Variants in MR1 observed in about 807,000 individuals in gnomAD.
MR1 encodes the protein major histocompatibility complex, class I-related.
MR1 carries 44 observed loss-of-function variants against 37.8 expected under a neutral mutation model. That is an observed-to-expected ratio of 1.16 (90% CI 0.91 to 1.50). The LOEUF is 1.50. Among genes scored for constraint, MR1 ranks in the 40% most tolerant of loss-of-function variants. The probability of loss-of-function intolerance (pLI) is 0.00; values close to 1 mark genes in which losing one functional copy is unlikely to be tolerated. For synonymous variants in MR1, 153 were observed against 155.8 expected (o/e 0.98, Z 0.13); for missense variants, 386 against 419.1 (o/e 0.92, Z 0.69).
chr1:181,045,596 T>C (rs1287726839), intron 1 of MR1, among the ~76,000 whole-genome samples: 1 of 151,332 alleles, frequency 6.6e-6, no homozygotes, highest in Non-Finnish European at 1.5e-5. Context: ...CCCTAAGACA[T>C]CACCTTCTCT....
At position 181,052,244 on chromosome 1, in the gene MR1, T is replaced by G; in HGVS notation, c.614T>G (p.Leu205Arg). ...KDTLQRTEPP[L>R]VRVNRKETFP... The stretch of plus-strand genomic sequence containing the variant: ...AGCTTCTTCTTCCTAGAGCCCCCAC[T>G]GGTCAGAGTAAATCGCAAAGAAACT... The change falls in exon 4 of 6, where the codon CTG (leucine) becomes CGG (arginine). Residue 205 changes from leucine (L) to arginine (R), a missense_variant. Physicochemically the swap from Leu to Arg is moderately radical, Grantham distance 102. Coordinates refer to ENST00000367580, the MANE Select transcript of MR1 (RefSeq NM_001385161.1). 1 of 1,613,750 alleles carries G rather than the reference T, an allele frequency of 6.2e-7. No individual in the cohort carries two copies. The highest frequency in any genetic ancestry group is 1.1e-5 in the South Asian group (1 of 91,078).
At chr1:181,044,247 G>A (rs530496065) in intron 1 of MR1, among the ~76,000 whole-genome samples, 292 of 152,318 alleles carry the variant, frequency 1.9e-3, no homozygotes, top group Admixed American at 3.2e-3. Flanking sequence ...ACAGGCGTGA[G>A]CCACTGCGCC....
intron 3 of MR1, among the ~76,000 whole-genome samples, chr1:181,052,009 G>C (rs968965470): frequency 6.6e-6 from 1 of 152,200 alleles, no homozygotes; most frequent in Admixed American, 6.5e-5. Context: ...TCCCCCCTTA[G>C]AGGATGGAGC....
chr1:181,046,055 G>A (rs1657842518), intron 1 of MR1, among the ~76,000 whole-genome samples: 1 of 152,236 alleles, frequency 6.6e-6, no homozygotes, highest in South Asian at 2.1e-4. Flanking sequence ...CCGGGCCTTA[G>A]CTGCCTTCCT....
At chr1:181,039,106 C>G (rs1367630876) in intron 1 of MR1, among the ~76,000 whole-genome samples, 3 of 152,224 alleles carry the variant, frequency 2.0e-5, no homozygotes, top group Non-Finnish European at 4.4e-5. Context: ...CACCCGGCCT[C>G]TCTGCACCTA....
rs926603960 is a variant in MR1, at chr1:181,061,441, A to T, written c.*6176A>T. 9 of 152,344 alleles carry T rather than the reference A, an allele frequency of 5.9e-5. No individual in the cohort carries two copies. The highest frequency in any genetic ancestry group is 2.1e-4 in the South Asian group (1 of 4,832). The allele number at this position is 152,344 out of a possible 1,614,324, so 9.4% of individuals were successfully genotyped here. On this transcript the variant is annotated 3_prime_UTR_variant, in exon 6 of 6. Coordinates refer to ENST00000367580, the MANE Select transcript of MR1 (RefSeq NM_001385161.1). Reference sequence around the variant, plus strand: ...AAGCCTACATGGTGGCTCTGGTCATATCATTAGAAAATAGACAGAAATGGG... The same window carrying T: ...AAGCCTACATGGTGGCTCTGGTCATTTCATTAGAAAATAGACAGAAATGGG...
intron 1 of MR1, among the ~76,000 whole-genome samples, chr1:181,047,383 G>A (rs983841600): frequency 6.6e-6 from 1 of 151,986 alleles, no homozygotes; most frequent in African/African-American, 2.4e-5. Context: ...GGCAGATCAT[G>A]AGGTCAGGAA....
intron 1 of MR1, among the ~76,000 whole-genome samples, chr1:181,042,263 C>T (rs1657595696): frequency 6.9e-6 from 1 of 145,600 alleles, no homozygotes; most frequent in Admixed American, 6.9e-5. Context: ...AGTGCAGTGG[C>T]GCGATCTCGG....
In MR1 at chr1:181,052,314, C is replaced by A. The variant is rs761551215; in HGVS notation, c.684C>A (p.Tyr228Ter). 19 of 1,613,998 alleles carry A rather than the reference C, an allele frequency of 1.2e-5. No individual in the cohort carries two copies. The highest frequency in any genetic ancestry group is 1.7e-5 in the Admixed American group (1 of 60,004). The change falls in exon 4 of 6, where the codon TAC becomes TAA. Residue 228 changes from tyrosine to a stop codon, truncating the protein, a stop_gained. Transcript: ENST00000367580. LOFTEE classifies it high-confidence loss of function. ...TCTTCTGCAAAGCTCATGGCTTTTA[C>A]CCCCCAGAAATTTACATGACATGGA... ...TALFCKAHGF[Y>*]PPEIYMTWMK...
At chr1:181,035,234 G>A (rs1657212462) in intron 1 of MR1, among the ~76,000 whole-genome samples, 1 of 151,960 alleles carries the variant, frequency 6.6e-6, no homozygotes, top group African/African-American at 2.4e-5. Context: ...CTACTCGGGA[G>A]ACTGAGGCAG....
At chr1:181,043,114 T>G (rs564994574) in intron 1 of MR1, among the ~76,000 whole-genome samples, 14 of 152,330 alleles carry the variant, frequency 9.2e-5, no homozygotes, top group African/African-American at 3.1e-4. Flanking sequence ...GGCTCTTGTT[T>G]GCATAAGAAC....
In MR1 at chr1:181,060,236, A is replaced by T. The variant is rs1658838415; in HGVS notation, c.*4971A>T. 1 of 152,024 alleles carries T rather than the reference A, an allele frequency of 6.6e-6. No individual in the cohort carries two copies. Among genetic ancestry groups the T allele is most frequent in the Non-Finnish European group, 1.5e-5 (1 of 68,010 alleles). 9.4% of individuals were successfully genotyped at this position (152,024 alleles called of 1,614,324 possible). ...TGTGTCCAAATTTCCTTTTTTCATGAGGCCATCAGTCATACTGGATTAGGG... is the reference window on the plus strand; with the variant it reads ...TGTGTCCAAATTTCCTTTTTTCATGTGGCCATCAGTCATACTGGATTAGGG... On this transcript the variant is annotated 3_prime_UTR_variant, in exon 6 of 6. Coordinates refer to ENST00000367580, the MANE Select transcript of MR1 (RefSeq NM_001385161.1).
intron 1 of MR1, among the ~76,000 whole-genome samples, chr1:181,041,197 T>C (rs1571381188): frequency 6.6e-6 from 1 of 152,366 alleles, no homozygotes; most frequent in East Asian, 1.9e-4. Context: ...CTTCAGATAA[T>C]GCAAATTCTT....
At position 181,055,231 on chromosome 1, in the gene MR1, A is replaced by G; in HGVS notation, c.992A>G (p.Asn331Ser). 1 of 1,613,764 alleles carries G rather than the reference A, an allele frequency of 6.2e-7. No homozygotes were observed. The highest frequency in any genetic ancestry group is 1.1e-5 in the South Asian group (1 of 91,072). Reference protein sequence around the residue: ...LVWRRRPREQNGAIYLPTPDR With the variant: ...LVWRRRPREQSGAIYLPTPDR ...AAAACCCCTTTCCTTTCAGAGCAAAATGGAGCCATCTACCTTCCAACACCA... is the reference window on the plus strand; with the variant it reads ...AAAACCCCTTTCCTTTCAGAGCAAAGTGGAGCCATCTACCTTCCAACACCA... The change falls in exon 6 of 6, where the codon AAT becomes AGT. Residue 331 changes from asparagine (N) to serine (S), a missense_variant. Asn to Ser is a conservative substitution (Grantham distance 46, BLOSUM62 1). Transcript: ENST00000367580.
chr1:181,033,593 G>C (rs1455889599), upstream of MR1: 2 of 157,762 alleles, frequency 1.3e-5, no homozygotes, highest in African/African-American at 2.4e-5. Flanking sequence ...TAGGGAGCCA[G>C]AGCAGGGAGT....
chr1:181,047,606 TAAATA>T (rs1657971362), intron 1 of MR1, among the ~76,000 whole-genome samples: 1 of 137,248 alleles, frequency 7.3e-6, no homozygotes, highest in South Asian at 2.3e-4. Flanking sequence ...CTCAAAAAAA[TAAATA>T]AATAGGCTGG....
intron 1 of MR1, among the ~76,000 whole-genome samples, chr1:181,034,862 G>T (rs958027293): frequency 1.3e-5 from 2 of 152,152 alleles, no homozygotes; most frequent in African/African-American, 2.4e-5. Context: ...AAGGGCGAGG[G>T]GGGTGGATGA....
Position 181,049,943 on chromosome 1 carries a change from G to C in MR1, c.329-68G>C, listed in dbSNP as rs1271217179. 42 of 1,544,586 alleles carry C rather than the reference G, an allele frequency of 2.7e-5. No individual in the cohort carries two copies. The South Asian group carries it at 2.9e-4, about 11-fold the overall frequency. Reference sequence around the variant, plus strand: ...AAAGGATGCTTCCAGCCATGCCCCTGCTCCCAGCACTTGAGAGCCCACCTC... The same window carrying C: ...AAAGGATGCTTCCAGCCATGCCCCTCCTCCCAGCACTTGAGAGCCCACCTC... On this transcript the variant is annotated intron_variant, in intron 2 of 5. Coordinates refer to ENST00000367580, the MANE Select transcript of MR1 (RefSeq NM_001385161.1).
chr1:181,059,609 G>A lies in MR1; in HGVS notation c.*4344G>A, dbSNP rs760861368. ...CAGGAACTCTCCATGTAATCTCTCTGTGTGGGTTGGGCTTCCTCACAACAT... is the reference window on the plus strand; with the variant it reads ...CAGGAACTCTCCATGTAATCTCTCTATGTGGGTTGGGCTTCCTCACAACAT... On this transcript the variant is annotated 3_prime_UTR_variant, in exon 6 of 6. Transcript: ENST00000367580. The A allele has an allele frequency of 1.3e-5, 2 of 153,124 alleles. No individual in the cohort carries two copies. Among genetic ancestry groups the A allele is most frequent in the Non-Finnish European group, 2.9e-5 (2 of 68,666 alleles). The allele number at this position is 153,124 out of a possible 1,614,324, so 9.5% of individuals were successfully genotyped here.
Sources: gnomAD v4.1 joint callset for allele counts (sites outside exome capture counted in the v4.1 genomes callset) on GRCh38, gnomAD v4.1.1 for gene constraint, MANE v1.5 for transcripts, NCBI Gene and HGNC (gene_info 2026-07-23, HGNC 2026-07-21) for gene names.